SNX24: variants seen among roughly 807,000 people sequenced by gnomAD.
The protein encoded by SNX24 is sorting nexin-24.
In SNX24, 22 loss-of-function variants were observed where a neutral mutation model predicts 28.7. That is an observed-to-expected ratio of 0.77 (90% CI 0.55 to 1.10). SNX24 has a LOEUF of 1.10. SNX24 is among the 50% of genes least tolerant of loss of function. The pLI is 0.00. For synonymous variants in SNX24, 69 were observed against 71.5 expected, an observed-to-expected ratio of 0.96 and a Z score of 0.18; for missense variants, 221 against 201.1, an observed-to-expected ratio of 1.10 and a Z score of -0.60.
intron 5 of SNX24, among the ~76,000 whole-genome samples, chr5:123,027,592 C>T (rs1235620812): frequency 6.6e-6 from 1 of 152,218 alleles, no homozygotes; most frequent in Non-Finnish European, 1.5e-5. Context: ...CTCCAGTCTA[C>T]ATCCCCATAC....
intron 1 of SNX24, among the ~76,000 whole-genome samples, chr5:122,858,381 A>T (rs1185090062): frequency 6.6e-6 from 1 of 152,284 alleles, no homozygotes; most frequent in East Asian, 1.9e-4. Context: ...TTTAATTTGT[A>T]ATAAATGCAG....
At chr5:122,883,393 A>G (rs984117322) in intron 1 of SNX24, among the ~76,000 whole-genome samples, 10 of 152,070 alleles carry the variant, frequency 6.6e-5, no homozygotes, top group African/African-American at 2.4e-4. Flanking sequence ...TTATTAATAT[A>G]TGATTATAGT....
chr5:122,865,341 TA>T (rs386419644), intron 1 of SNX24, among the ~76,000 whole-genome samples: 1 of 20,708 alleles, frequency 4.8e-5, no homozygotes, highest in Non-Finnish European at 7.6e-5. Flanking sequence ...TATGTATTTA[TA>T]TTTTTTGAGA....
Position 123,001,380 on chromosome 5 carries a change from T to G in SNX24, c.345-25T>G, listed in dbSNP as rs780240355. On this transcript the variant is annotated intron_variant, in intron 4 of 6. Transcript: ENST00000261369. The stretch of plus-strand genomic sequence containing the variant: ...GACTCAACATATGTGGTTTTTTTGT[T>G]TTTTTCCTTTTTCAAAACTTTTAGA... The G allele has an allele frequency of 5.1e-6, 8 of 1,566,368 alleles. No homozygotes were observed. The Admixed American group carries it at 1.4e-4, about 27-fold the overall frequency.
chr5:122,976,838 A>G (rs960507548), intron 3 of SNX24, among the ~76,000 whole-genome samples: 3 of 152,246 alleles, frequency 2.0e-5, no homozygotes, highest in Non-Finnish European at 4.4e-5. Flanking sequence ...TTCATATTTC[A>G]TATGTCTATG....
intron 1 of SNX24, among the ~76,000 whole-genome samples, chr5:122,866,237 C>CTCACTGAA (rs1430805016): frequency 4.6e-5 from 7 of 152,160 alleles, no homozygotes; most frequent in Non-Finnish European, 8.8e-5. Flanking sequence ...GCAACCACCA[C>CTCACTGAA]CTCCCAGGTT....
chr5:122,858,370 C>T (rs1050605533), intron 1 of SNX24, among the ~76,000 whole-genome samples: 4 of 152,198 alleles, frequency 2.6e-5, no homozygotes, highest in Non-Finnish European at 5.9e-5. Context: ...AACAACAAAA[C>T]TTTAATTTGT....
intron 1 of SNX24, among the ~76,000 whole-genome samples, chr5:122,849,017 C>A (rs1005507302): frequency 2.0e-5 from 3 of 152,168 alleles, no homozygotes; most frequent in Non-Finnish European, 4.4e-5. Flanking sequence ...GGCTCTACCA[C>A]GGTAGGATGT....
chr5:122,866,703 TG>T, intron 1 of SNX24, among the ~76,000 whole-genome samples: 1 of 152,332 alleles, frequency 6.6e-6, no homozygotes, highest in Non-Finnish European at 1.5e-5. Context: ...ACCTCTGTTG[TG>T]GAGTAGTAGT....
At chr5:122,959,969 C>A (rs1389688387) in intron 3 of SNX24, among the ~76,000 whole-genome samples, 1 of 151,972 alleles carries the variant, frequency 6.6e-6, no homozygotes, top group Non-Finnish European at 1.5e-5. Context: ...TTTCAAACAC[C>A]CCTGTTGTTT....
chr5:122,964,247 C>CAAAAAAAAAAAAAAAAA (rs34174497), intron 3 of SNX24, among the ~76,000 whole-genome samples: 11 of 36,576 alleles, frequency 3.0e-4, no homozygotes, highest in Non-Finnish European at 3.6e-4. Context: ...GACTCCATCT[C>CAAAAAAAAAAAAAAAAA]AAAAAAAAAA....
intron 1 of SNX24, among the ~76,000 whole-genome samples, chr5:122,858,097 A>G (rs1755292076): frequency 6.6e-6 from 1 of 152,150 alleles, no homozygotes; most frequent in African/African-American, 2.4e-5. Context: ...ATGGATATTT[A>G]GGTTGATTCC....
chr5:122,913,804 C>T (rs1758029357), intron 1 of SNX24, among the ~76,000 whole-genome samples: 1 of 152,204 alleles, frequency 6.6e-6, no homozygotes, highest in South Asian at 2.1e-4. Flanking sequence ...CACCACTGCA[C>T]TCCAACCTGG....
chr5:122,941,671 A>G (rs1256407613), intron 2 of SNX24, among the ~76,000 whole-genome samples: 1 of 152,198 alleles, frequency 6.6e-6, no homozygotes, highest in African/African-American at 2.4e-5. Flanking sequence ...TGTCTTTCAT[A>G]TCTTTCACAC....
intron 1 of SNX24, among the ~76,000 whole-genome samples, chr5:122,850,799 A>G (rs1369195196): frequency 1.6e-4 from 24 of 151,888 alleles, no homozygotes; most frequent in African/African-American, 5.1e-4. Flanking sequence ...TTAAAAAAAA[A>G]AAAAAAAAAC....
chr5:123,001,394 A>T lies in SNX24; in HGVS notation c.345-11A>T, dbSNP rs1762240238. ...GGTTTTTTTGTTTTTTTCCTTTTTC[A>T]AAACTTTTAGATCTTTTGATGAAAC... On this transcript the variant is annotated splice_polypyrimidine_tract_variant and intron_variant, in intron 4 of 6. Coordinates refer to ENST00000261369, the MANE Select transcript of SNX24 (RefSeq NM_014035.4). 9 of 1,596,364 alleles carry T rather than the reference A, an allele frequency of 5.6e-6. No homozygotes were observed. The highest frequency in any genetic ancestry group is 7.7e-6 in the Non-Finnish European group (9 of 1,166,430).
At chr5:123,000,368 A>G (rs139663130) in intron 4 of SNX24, among the ~76,000 whole-genome samples, 87 of 152,392 alleles carry the variant, frequency 5.7e-4, no homozygotes, top group African/African-American at 2.0e-3. Flanking sequence ...GGTGGTACAC[A>G]TTCATATAAT....
At chr5:123,016,308 T>C (rs1762677307) in intron 5 of SNX24, among the ~76,000 whole-genome samples, 1 of 152,022 alleles carries the variant, frequency 6.6e-6, no homozygotes, top group Non-Finnish European at 1.5e-5. Flanking sequence ...CTAAAGAATA[T>C]TGGAGGAATT....
chr5:123,001,847 G>T lies in SNX24; in HGVS notation c.378-93G>T, dbSNP rs149997692. The T allele has an allele frequency of 7.0e-3, 7,183 of 1,023,068 alleles. 37 individuals carry two copies. The highest frequency in any genetic ancestry group is 0.011 in the Middle Eastern group (52 of 4,874). The allele number at this position is 1,023,068 out of a possible 1,614,324, so 63.4% of individuals were successfully genotyped here. A position where few individuals can be genotyped will look rare whatever the true frequency, so the allele number is the denominator to read the frequency against. On this transcript the variant is annotated intron_variant, in intron 5 of 6. Transcript: ENST00000261369. Reference sequence around the variant, plus strand: ...AGAACATAAACCTTGAGACGTCCCCGCACAGCAGTTTGATCCCCTCAAAGC... The same window carrying T: ...AGAACATAAACCTTGAGACGTCCCCTCACAGCAGTTTGATCCCCTCAAAGC...
Sources: gnomAD v4.1 joint callset for allele counts (sites outside exome capture counted in the v4.1 genomes callset) on GRCh38, gnomAD v4.1.1 for gene constraint, MANE v1.5 for transcripts, NCBI Gene and HGNC (gene_info 2026-07-23, HGNC 2026-07-21) for gene names.